SCAMP2: variants seen among roughly 807,000 people sequenced by gnomAD.
SCAMP2 encodes the protein secretory carrier membrane protein 2, also known as secretory carrier-associated membrane protein 2.
A neutral mutation model predicts 44.1 loss-of-function variants in SCAMP2; 25 were observed. The observed-to-expected ratio is 0.57, with a 90% CI of 0.41 to 0.79. The LOEUF (loss-of-function observed/expected upper bound fraction) is 0.79. Ranked by LOEUF, SCAMP2 falls within the 30% of genes least tolerant of loss-of-function variation. The pLI, the probability that SCAMP2 is intolerant of heterozygous loss-of-function variation, is 0.00. For missense variants in SCAMP2, 355 were observed against 411.0 expected (o/e 0.86, Z 1.18); for synonymous variants, 156 against 166.0 (o/e 0.94, Z 0.46).
At chr15:74,850,737 C>CACA in intron 5 of SCAMP2, 64 bp from the exon 6 acceptor site, 3 of 1,548,140 alleles carry the variant, frequency 1.9e-6, no homozygotes, top group Non-Finnish European at 2.7e-6. Flanking sequence ...TCCAATGTGG[C>CACA]AGCCACTCCC....
In SCAMP2 at chr15:74,871,259, G is replaced by A. The variant is rs573901453; in HGVS notation, c.57+1940C>T. On this transcript the variant is annotated intron_variant, in intron 1 of 8. Transcript: ENST00000268099. ...GCTTGAGACCAGGATTTCGAGACCAGCTTGGGCATCACAGCGAGACCCCTT... is the reference window on the plus strand; with the variant it reads ...GCTTGAGACCAGGATTTCGAGACCAACTTGGGCATCACAGCGAGACCCCTT... 3.9e-5 allele frequency among the ~76,000 whole-genome samples: 6 copies of A among 151,916 alleles called. No homozygotes were observed. The South Asian group carries it at 1.0e-3, about 26-fold the overall frequency.
chr15:74,864,984 G>C (rs998428147), intron 1 of SCAMP2, among the ~76,000 whole-genome samples: 1 of 149,318 alleles, frequency 6.7e-6, no homozygotes, highest in African/African-American at 2.5e-5. Context: ...CTACTCAGGA[G>C]GCTAAGGCAG....
chr15:74,855,331 T>C (rs1038141526), intron 1 of SCAMP2, among the ~76,000 whole-genome samples: 6 of 152,060 alleles, frequency 3.9e-5, no homozygotes, highest in Admixed American at 3.9e-4. Flanking sequence ...CTCAATCTCT[T>C]GACCTCGTGA....
intron 1 of SCAMP2, among the ~76,000 whole-genome samples, chr15:74,859,651 C>T (rs1404661907): frequency 6.7e-6 from 1 of 148,196 alleles, no homozygotes; most frequent in Non-Finnish European, 1.5e-5. Flanking sequence ...GAGTCTCGCT[C>T]TGTTGCCCAG....
chr15:74,870,802 T>G (rs2064570299), intron 1 of SCAMP2, among the ~76,000 whole-genome samples: 1 of 152,220 alleles, frequency 6.6e-6, no homozygotes. Context: ...TATAATTATT[T>G]AGTTCAAGTC....
intron 1 of SCAMP2, among the ~76,000 whole-genome samples, chr15:74,870,791 G>A (rs956358152): frequency 2.0e-5 from 3 of 152,186 alleles, no homozygotes; most frequent in Admixed American, 6.5e-5. Context: ...TCCTGACAGC[G>A]TATAATTATT....
At chr15:74,859,514 G>T (rs552487677) in intron 1 of SCAMP2, among the ~76,000 whole-genome samples, 1 of 152,238 alleles carries the variant, frequency 6.6e-6, no homozygotes, top group East Asian at 1.9e-4. Flanking sequence ...CCACTGCAAG[G>T]CAGGGGGGCA....
At chr15:74,845,709 C>G in intron 7 of SCAMP2, 116 bp from the exon 8 acceptor site, 1 of 1,299,908 alleles carries the variant, frequency 7.7e-7, no homozygotes, top group Non-Finnish European at 1.1e-6. Flanking sequence ...GGCATCTCCC[C>G]ACAGCACAGG....
At chr15:74,849,161 A>C (rs1333320604) in intron 6 of SCAMP2, among the ~76,000 whole-genome samples, 1 of 152,210 alleles carries the variant, frequency 6.6e-6, no homozygotes, top group Non-Finnish European at 1.5e-5. Context: ...TAATAAGTAA[A>C]TCTCTATATA....
intron 1 of SCAMP2, among the ~76,000 whole-genome samples, chr15:74,859,050 C>T (rs1180086401): frequency 6.6e-6 from 1 of 151,810 alleles, no homozygotes; most frequent in Non-Finnish European, 1.5e-5. Context: ...CCTTGTGATC[C>T]GCCCACCTCA....
Position 74,854,071 on chromosome 15 carries a change from G to T in SCAMP2, c.175C>A (p.Gln59Lys). 1 of 1,614,212 alleles carries T rather than the reference G, an allele frequency of 6.2e-7. No homozygotes were observed. Among genetic ancestry groups the T allele is most frequent in the South Asian group, 1.1e-5 (1 of 91,086 alleles). Residue 59 changes from glutamine to lysine, a missense_variant, in exon 3 of 9, where the codon CAG becomes AAG. Physicochemically the swap from Gln to Lys is moderately conservative, Grantham distance 53 (BLOSUM62 1). Coordinates refer to ENST00000268099, the MANE Select transcript of SCAMP2 (RefSeq NM_005697.5). Reference sequence around the variant, plus strand: ...ACTGATGGCTGGAGAACCGCTGGCTGTGAGGACCCAGGGAGTTGGGTGACA... The same window carrying T: ...ACTGATGGCTGGAGAACCGCTGGCTTTGAGGACCCAGGGAGTTGGGTGACA... ...VPVTQLPGSSQPAVLQPSVEP... is the reference protein window; with the variant it reads ...VPVTQLPGSSKPAVLQPSVEP...
chr15:74,864,833 T>A (rs967215568), intron 1 of SCAMP2, among the ~76,000 whole-genome samples: 1 of 151,982 alleles, frequency 6.6e-6, no homozygotes, highest in African/African-American at 2.4e-5. Context: ...ACGCCTGTAA[T>A]CCCAGCACTT....
intron 1 of SCAMP2, chr15:74,872,973 A>G (rs1596429681): frequency 2.1e-6 from 1 of 471,770 alleles, no homozygotes; most frequent in Non-Finnish European, 3.7e-6. Flanking sequence ...GTGCTAGAAG[A>G]CCCCACTGTC....
At chr15:74,850,702 A>G (rs759320371) in intron 5 of SCAMP2, 29 bp from the exon 6 acceptor site, 46 of 1,611,560 alleles carry the variant, frequency 2.9e-5, no homozygotes, top group Non-Finnish European at 3.8e-5. Context: ...CAGAGTTATG[A>G]CTTGTGCCAC....
chr15:74,863,094 C>G (rs1478955041), intron 1 of SCAMP2, among the ~76,000 whole-genome samples: 1 of 151,764 alleles, frequency 6.6e-6, no homozygotes, highest in Non-Finnish European at 1.5e-5. Flanking sequence ...CCTGTAATCC[C>G]AGCATTTTGG....
rs560185914 is a variant in SCAMP2, at chr15:74,854,827, TCCCTTCC to T, written c.58-185_58-179del. Among the ~76,000 whole-genome samples the T allele has an allele frequency of 1.6e-4, 24 of 152,210 alleles. No individual in the cohort carries two copies. In the East Asian group the frequency reaches 4.6e-3, roughly 29 times the overall value. ...GCCACACCACAGCTGCGGTCCCTTC[TCCCTTCC>T]CCCTTCCTGGAAAAGGTTCAGCCCA... On this transcript the variant is annotated intron_variant, in intron 1 of 8. Transcript: ENST00000268099.
At chr15:74,858,806 CTTTTTTTTTTTTT>C (rs917391053) in intron 1 of SCAMP2, among the ~76,000 whole-genome samples, 6 of 91,256 alleles carry the variant, frequency 6.6e-5, no homozygotes, top group Non-Finnish European at 1.1e-4. Context: ...AGAGCTGGTT[CTTTTTTTTTTTTT>C]TTTTTTTTTT....
chr15:74,863,682 A>T (rs577869526), intron 1 of SCAMP2, among the ~76,000 whole-genome samples: 1 of 152,316 alleles, frequency 6.6e-6, no homozygotes, highest in African/African-American at 2.4e-5. Context: ...TCAAAATGGG[A>T]CACTTACTAT....
intron 1 of SCAMP2, among the ~76,000 whole-genome samples, chr15:74,871,523 C>G (rs2064575146): frequency 6.6e-6 from 1 of 151,352 alleles, no homozygotes; most frequent in Admixed American, 6.6e-5. Context: ...GAGGCCGAGG[C>G]AGGTGGATCA....
Sources: gnomAD v4.1 joint callset for allele counts (sites outside exome capture counted in the v4.1 genomes callset) on GRCh38, gnomAD v4.1.1 for gene constraint, MANE v1.5 for transcripts, NCBI Gene and HGNC (gene_info 2026-07-23, HGNC 2026-07-21) for gene names.